PPP4R2: variants seen among roughly 807,000 people sequenced by gnomAD.
PPP4R2 encodes serine/threonine-protein phosphatase 4 regulatory subunit 2.
In PPP4R2, 13 loss-of-function variants were observed where a neutral mutation model predicts 47.2. That is an observed-to-expected ratio of 0.28 (90% CI 0.18 to 0.44). The LOEUF is 0.44. Among genes scored for constraint, PPP4R2 ranks in the 20% least tolerant of loss-of-function variants. The pLI is 1.00. For synonymous variants in PPP4R2, 151 were observed against 163.3 expected (o/e 0.92, Z 0.57); for missense variants, 421 against 491.2 (o/e 0.86, Z 1.35).
At position 73,064,068 on chromosome 3, in the gene PPP4R2, C is replaced by G. The variant is rs748997969; in HGVS notation, c.560C>G (p.Pro187Arg). 1.2e-6 allele frequency: 2 copies of G among 1,613,448 alleles called. No homozygotes were observed. Among genetic ancestry groups the G allele is most frequent in the East Asian group, 2.2e-5 (1 of 44,862 alleles). The change falls in exon 7 of 9, where the codon CCC becomes CGC. Residue 187 changes from proline to arginine, a missense_variant. This residue lies in a region of PPP4R2 where 317 missense variants were observed against 287.5 expected (regional missense o/e 1.10). Coordinates refer to ENST00000356692, the MANE Select transcript of PPP4R2 (RefSeq NM_174907.4). ...LNRPKVSLSA[P>R]MTTNGLPEST... Reference sequence around the variant, plus strand: ...CGACCAAAGGTTTCTTTGTCAGCCCCCATGACAACAAATGGGTTGCCTGAG... The same window carrying G: ...CGACCAAAGGTTTCTTTGTCAGCCCGCATGACAACAAATGGGTTGCCTGAG...
chr3:73,016,200 A>G (rs890086897), intron 2 of PPP4R2: 1 of 152,226 alleles, frequency 6.6e-6, no homozygotes, highest in Non-Finnish European at 1.5e-5. Flanking sequence ...TTATTTGAAG[A>G]TGTGTGAGAT....
chr3:73,016,754 T>TTTTTTAAAA (rs58597470), intron 2 of PPP4R2, among the ~76,000 whole-genome samples: 1 of 133,584 alleles, frequency 7.5e-6, no homozygotes, highest in East Asian at 2.2e-4. Flanking sequence ...TTTTTTTTTT[T>TTTTTTAAAA]AATACAGAGT....
chr3:73,062,700 C>CA (rs746016809), intron 5 of PPP4R2: 7 of 1,614,004 alleles, frequency 4.3e-6, no homozygotes, highest in Non-Finnish European at 5.1e-6. Context: ...CAGCAGTCTC[C>CA]AAGTTCAGAG....
intron 2 of PPP4R2, among the ~76,000 whole-genome samples, chr3:73,028,946 G>T (rs1049501432): frequency 1.3e-5 from 2 of 152,148 alleles, no homozygotes; most frequent in Admixed American, 6.6e-5. Flanking sequence ...AGCCGTCGCA[G>T]TTTTTTGTTG....
At chr3:73,017,791 G>A (rs899483935) in intron 2 of PPP4R2, among the ~76,000 whole-genome samples, 2 of 151,492 alleles carry the variant, frequency 1.3e-5, no homozygotes, top group African/African-American at 2.4e-5. Flanking sequence ...TAGTGGCTCA[G>A]TCTTGGCTTA....
chr3:73,064,037 C>G lies in PPP4R2; in HGVS notation c.529C>G (p.Leu177Val). 1 of 1,612,398 alleles carries G rather than the reference C, an allele frequency of 6.2e-7. No homozygotes were observed. Among genetic ancestry groups the G allele is most frequent in the Non-Finnish European group, 8.5e-7 (1 of 1,179,656 alleles). Residue 177 changes from leucine (L) to valine (V), a missense_variant, in exon 7 of 9, where the codon CTT (leucine) becomes GTT (valine). This residue lies in a region of PPP4R2 where 317 missense variants were observed against 287.5 expected (regional missense o/e 1.10). Coordinates refer to ENST00000356692, the MANE Select transcript of PPP4R2 (RefSeq NM_174907.4). Reference sequence around the variant, plus strand: ...AAATGGGCCTGGGACACCCAGGCCACTTAATCGACCAAAGGTTTCTTTGTC... The same window carrying G: ...AAATGGGCCTGGGACACCCAGGCCAGTTAATCGACCAAAGGTTTCTTTGTC... Reference protein sequence around the residue: ...NINGPGTPRPLNRPKVSLSAP... With the variant: ...NINGPGTPRPVNRPKVSLSAP...
At chr3:73,004,728 G>T (rs967700864) in intron 2 of PPP4R2, among the ~76,000 whole-genome samples, 17 of 152,036 alleles carry the variant, frequency 1.1e-4, no homozygotes, top group African/African-American at 3.9e-4. Flanking sequence ...GATTACAGAG[G>T]TGTCACCATG....
chr3:72,997,791 C>G (rs892929122), intron 1 of PPP4R2, among the ~76,000 whole-genome samples: 1 of 152,110 alleles, frequency 6.6e-6, no homozygotes, highest in Admixed American at 6.5e-5. Context: ...GGATTCCCAG[C>G]TTAATATAAT....
Position 72,996,911 on chromosome 3 carries a change from C to G in PPP4R2, c.-127C>G, listed in dbSNP as rs546752095. The G allele has an allele frequency of 3.0e-4, 178 of 588,834 alleles. 1 individual carries two copies. The South Asian group carries it at 0.011, about 36-fold the overall frequency. 36.5% of individuals were successfully genotyped at this position (588,834 alleles called of 1,614,324 possible). A position where few individuals can be genotyped will look rare whatever the true frequency, so the allele number is the denominator to read the frequency against. On this transcript the variant is annotated 5_prime_UTR_variant, in exon 1 of 9. Transcript: ENST00000356692. Reference sequence around the variant, plus strand: ...TCCCCCGGCTCCCTTCGTTTCCCCCCCCCGGTCGCCTGCGTGCCGGAGTGT... The same window carrying G: ...TCCCCCGGCTCCCTTCGTTTCCCCCGCCCGGTCGCCTGCGTGCCGGAGTGT...
chr3:73,058,979 G>C, intron 3 of PPP4R2, 58 bp from the exon 4 acceptor site: 1 of 1,049,608 alleles, frequency 9.5e-7, no homozygotes, highest in Non-Finnish European at 1.4e-6. Context: ...AAGAAATAAT[G>C]TTCCTCGTTT....
At chr3:73,008,902 T>C (rs1419675956) in intron 2 of PPP4R2, among the ~76,000 whole-genome samples, 1 of 152,212 alleles carries the variant, frequency 6.6e-6, no homozygotes, top group Non-Finnish European at 1.5e-5. Flanking sequence ...AGTTACTATA[T>C]GACCAAGGCT....
chr3:73,027,720 GATAA>G (rs1483067562), intron 2 of PPP4R2: 6 of 151,294 alleles, frequency 4.0e-5, no homozygotes, highest in Admixed American at 6.6e-5. Flanking sequence ...GCAGACAGTA[GATAA>G]ATAAATTATA....
chr3:73,069,012 T>C lies in PPP4R2; in HGVS notation c.*3290T>C, dbSNP rs992390233. Reference sequence around the variant, plus strand: ...CACCTTGTAATTTCATATGGAATTATAAAAATTAGGTTTGCTGGGTTTTGG... The same window carrying C: ...CACCTTGTAATTTCATATGGAATTACAAAAATTAGGTTTGCTGGGTTTTGG... On this transcript the variant is annotated 3_prime_UTR_variant, in exon 9 of 9. Transcript: ENST00000356692. 6.6e-6 allele frequency: 1 copy of C among 152,188 alleles called. No homozygotes were observed. The highest frequency in any genetic ancestry group is 2.4e-5 in the African/African-American group (1 of 41,448). 9.4% of individuals were successfully genotyped at this position (152,188 alleles called of 1,614,324 possible).
rs372860760 is a variant in PPP4R2 at position 73,039,619 on chromosome 3, G to A, written c.117-7567G>A. On this transcript the variant is annotated intron_variant, in intron 2 of 8. Transcript: ENST00000356692. ...TGACTCCCAAGGAACATTTGATAAT[G>A]TTGGGAGACATTTATGGTTGTCACA... Among the ~76,000 whole-genome samples the A allele has an allele frequency of 1.1e-4, 16 of 152,296 alleles. 1 individual carries two copies. Among genetic ancestry groups the A allele is most frequent in the African/African-American group, 3.6e-4 (15 of 41,550 alleles).
At chr3:73,000,441 C>A (rs1013424445) in intron 2 of PPP4R2, among the ~76,000 whole-genome samples, 1 of 152,086 alleles carries the variant, frequency 6.6e-6, no homozygotes, top group Admixed American at 6.6e-5. Flanking sequence ...AATCAGTGAC[C>A]CCCCAGGCTG....
At chr3:73,000,869 A>AC (rs1701444482) in intron 2 of PPP4R2, among the ~76,000 whole-genome samples, 1 of 152,318 alleles carries the variant, frequency 6.6e-6, no homozygotes, top group Non-Finnish European at 1.5e-5. Flanking sequence ...CATGAATTTA[A>AC]ACACTTGATG....
intron 2 of PPP4R2, among the ~76,000 whole-genome samples, chr3:73,038,469 C>T (rs571629940): frequency 1.5e-4 from 23 of 151,930 alleles, no homozygotes; most frequent in African/African-American, 5.6e-4. Context: ...GATCTTGGCT[C>T]ACAGCAACCT....
At chr3:73,031,645 C>G (rs1239329529) in intron 2 of PPP4R2, among the ~76,000 whole-genome samples, 1 of 152,152 alleles carries the variant, frequency 6.6e-6, no homozygotes. Context: ...TTTATCCTCT[C>G]TGATGAAAGA....
intron 3 of PPP4R2, among the ~76,000 whole-genome samples, chr3:73,050,891 A>C (rs906736656): frequency 6.6e-6 from 1 of 152,108 alleles, no homozygotes; most frequent in Non-Finnish European, 1.5e-5. Context: ...TCATGTTTTG[A>C]ATATACGTAT....
Sources: allele counts gnomAD v4.1 joint callset (sites outside exome capture counted in the v4.1 genomes callset), GRCh38; gene constraint gnomAD v4.1.1; regional missense constraint gnomAD v4.1.1; transcripts MANE v1.5; gene names NCBI Gene and HGNC (gene_info 2026-07-23, HGNC 2026-07-21).